The following TEX11 variants were observed in gnomAD, a reference collection of about 807,000 sequenced individuals.
TEX11 encodes testis expressed 11, also known as testis-expressed protein 11.
TEX11 carries 7 observed loss-of-function variants against 84.4 expected under a neutral mutation model. The observed-to-expected ratio is 0.08, with a 90% CI of 0.05 to 0.16. The LOEUF (loss-of-function observed/expected upper bound fraction) is 0.16, where lower values mean the gene tolerates loss of function less well. Among genes scored for constraint, TEX11 ranks in the 10% least tolerant of loss-of-function variants. The probability of loss-of-function intolerance (pLI) is 1.00; values close to 1 mark genes in which losing one functional copy is unlikely to be tolerated. For synonymous variants in TEX11, 264 were observed against 222.8 expected (o/e 1.18, Z -1.64); for missense variants, 551 against 660.5 (o/e 0.83, Z 1.82).
the TEX11 span, among the ~76,000 whole-genome samples, chrX:70,511,509 C>T: frequency 9.1e-6 from 1 of 110,249 alleles, no homozygotes; most frequent in African/African-American, 3.3e-5. Flanking sequence ...AATCCCAGCA[C>T]TTTGGGAGGC....
chrX:70,515,120 C>CT, the TEX11 span, among the ~76,000 whole-genome samples: 8 of 110,423 alleles, frequency 7.2e-5, no homozygotes, highest in African/African-American at 2.0e-4. Context: ...TTTAGAAATT[C>CT]TTTTTTTTAA....
chrX:70,751,470 C>A (rs1318344163), intron 9 of TEX11, among the ~76,000 whole-genome samples: 2 of 77,678 alleles, frequency 2.6e-5, no homozygotes, highest in East Asian at 4.3e-4. Context: ...GCATCACACA[C>A]CAGGGCCTGT....
chrX:70,771,669 C>T (rs1426474363), intron 9 of TEX11, among the ~76,000 whole-genome samples: 2 of 112,425 alleles, frequency 1.8e-5, no homozygotes, highest in Non-Finnish European at 3.8e-5. Flanking sequence ...ATGACAACCA[C>T]AAATAACTTT....
intron 12 of TEX11, chrX:70,724,286 T>G (rs1010387314): frequency 3.0e-6 from 2 of 669,923 alleles, no homozygotes; most frequent in African/African-American, 4.8e-5. Flanking sequence ...TATGCTGAGG[T>G]GATACTGTTG....
intron 28 of TEX11, among the ~76,000 whole-genome samples, chrX:70,546,606 C>T (rs751311271): frequency 2.2e-4 from 24 of 110,985 alleles, no homozygotes; most frequent in African/African-American, 7.2e-4. Flanking sequence ...ACACAATACA[C>T]GAACAGTCAA....
At chrX:70,792,376 C>A (rs2091129601) in intron 9 of TEX11, among the ~76,000 whole-genome samples, 1 of 55,460 alleles carries the variant, frequency 1.8e-5, no homozygotes, top group African/African-American at 6.7e-5. Context: ...AAATATATAT[C>A]TGGGATGCAG....
intron 2 of TEX11, among the ~76,000 whole-genome samples, chrX:70,890,486 G>A (rs1390250133): frequency 2.7e-5 from 3 of 112,144 alleles, no homozygotes; most frequent in Non-Finnish European, 3.8e-5. Flanking sequence ...CTGGAAAAAC[G>A]GGACACTCCT....
At position 70,870,505 on chromosome X, in the gene TEX11, T is replaced by G. The variant is rs1040847519; in HGVS notation, c.244+2718A>C. Among the ~76,000 whole-genome samples, 7 of 110,365 alleles carry G rather than the reference T, an allele frequency of 6.3e-5. No homozygotes were observed. In the East Asian group the frequency reaches 2.0e-3, roughly 32 times the overall value. ...AGCCCACCACCACGCATGGCTAATT[T>G]TTCATATTTTTAGTAGAGACGGAGT... On this transcript the variant is annotated intron_variant, in intron 4 of 29. Coordinates refer to ENST00000374333, the MANE Select transcript of TEX11 (RefSeq NM_031276.3).
intron 4 of TEX11, among the ~76,000 whole-genome samples, chrX:70,869,290 G>C (rs1057494076): frequency 9.5e-6 from 1 of 104,958 alleles, no homozygotes; most frequent in African/African-American, 3.5e-5. Context: ...ACCTTCAAAC[G>C]TACCCATCTC....
At chrX:70,724,238 G>A (rs755287072) in intron 12 of TEX11, 54 of 750,225 alleles carry the variant, frequency 7.2e-5, no homozygotes, top group Non-Finnish European at 7.7e-5. Context: ...CAAAAAAGTA[G>A]AGTTGTCTTC....
chrX:70,691,487 A>T (rs1030250830), intron 13 of TEX11, among the ~76,000 whole-genome samples: 2 of 112,089 alleles, frequency 1.8e-5, no homozygotes, highest in African/African-American at 6.5e-5. Context: ...TCAGCCTTCA[A>T]ATGAAAGAAG....
At chrX:70,898,857 G>A (rs2091787794) in intron 2 of TEX11, among the ~76,000 whole-genome samples, 2 of 111,165 alleles carry the variant, frequency 1.8e-5, no homozygotes, top group Non-Finnish European at 1.9e-5. Flanking sequence ...CACCAGCCTC[G>A]GCCTCCCAAA....
chrX:70,516,045 C>T, the TEX11 span, among the ~76,000 whole-genome samples: 60 of 111,172 alleles, frequency 5.4e-4, no homozygotes, highest in Non-Finnish European at 9.3e-4. Context: ...GAGTAGGTTG[C>T]GAAAATTTTC....
At chrX:70,614,499 C>T (rs772440968) in intron 20 of TEX11, among the ~76,000 whole-genome samples, 1 of 112,055 alleles carries the variant, frequency 8.9e-6, no homozygotes, top group East Asian at 2.8e-4. Context: ...TAGAAGAGAA[C>T]ATCTGAGCTA....
intron 16 of TEX11, among the ~76,000 whole-genome samples, chrX:70,666,680 T>C (rs1429828805): frequency 8.9e-6 from 1 of 111,736 alleles, no homozygotes. Context: ...AGGTATTCTG[T>C]TATACCAACA....
intron 9 of TEX11, among the ~76,000 whole-genome samples, chrX:70,755,191 T>C (rs6625669): frequency 8.9e-6 from 1 of 112,087 alleles, no homozygotes; most frequent in Non-Finnish European, 1.9e-5. Flanking sequence ...GAATTGAAAA[T>C]AGCTGTTTTG....
chrX:70,632,789 GA>G (rs1375074368), intron 17 of TEX11, among the ~76,000 whole-genome samples: 1 of 111,198 alleles, frequency 9.0e-6, no homozygotes, highest in Non-Finnish European at 1.9e-5. Context: ...GGGATATTAT[GA>G]ACAACTTTAG....
At chrX:70,817,031 G>A (rs1037276244) in intron 8 of TEX11, among the ~76,000 whole-genome samples, 1 of 110,510 alleles carries the variant, frequency 9.0e-6, no homozygotes, top group African/African-American at 3.3e-5. Context: ...AAGAGAATTA[G>A]AAACATGAAA....
chrX:70,844,859 C>T (rs968218167), intron 7 of TEX11, among the ~76,000 whole-genome samples: 9 of 109,864 alleles, frequency 8.2e-5, no homozygotes, highest in Non-Finnish European at 1.3e-4. Context: ...CGCTTGAACC[C>T]GGGAGGCAGA....
Sources: gnomAD v4.1 joint callset for allele counts (sites outside exome capture counted in the v4.1 genomes callset) on GRCh38, gnomAD v4.1.1 for gene constraint, MANE v1.5 for transcripts, NCBI Gene and HGNC (gene_info 2026-07-23, HGNC 2026-07-21) for gene names.